Variants in DLGAP2 observed in about 807,000 individuals in gnomAD.
DLGAP2 encodes the protein disks large-associated protein 2.
In DLGAP2, 26 loss-of-function variants were observed where a neutral mutation model predicts 100.3. The ratio of observed to expected loss-of-function variants is 0.26; its 90% confidence interval spans 0.19 to 0.36. The LOEUF (loss-of-function observed/expected upper bound fraction) is 0.36. Among genes scored for constraint, DLGAP2 ranks in the 10% least tolerant of loss-of-function variants. DLGAP2 has a pLI of 1.00. For missense variants in DLGAP2, 1,858 were observed against 1,453.2 expected, an observed-to-expected ratio of 1.28 and a Z score of -4.53; for synonymous variants, 886 against 630.1, an observed-to-expected ratio of 1.41 and a Z score of -6.08.
chr8:1,194,527 A>G (rs1457938784), intron 2 of DLGAP2, among the ~76,000 whole-genome samples: 1 of 152,050 alleles, frequency 6.6e-6, no homozygotes, highest in Non-Finnish European at 1.5e-5. Flanking sequence ...ACTCCTTGTG[A>G]TGTGAAGAAA....
intron 3 of DLGAP2, among the ~76,000 whole-genome samples, chr8:1,335,476 A>T (rs114636896): frequency 6.6e-6 from 1 of 152,130 alleles, no homozygotes; most frequent in Non-Finnish European, 1.5e-5. Context: ...CTTCCTCTGG[A>T]GGAATGGGTA....
At chr8:1,518,345 C>T (rs996305779) in intron 4 of DLGAP2, among the ~76,000 whole-genome samples, 2 of 152,100 alleles carry the variant, frequency 1.3e-5, no homozygotes, top group African/African-American at 4.8e-5. Context: ...TTGTTTTTGT[C>T]TTCAGATTGT....
At chr8:1,450,664 A>T (rs1033055065) in intron 3 of DLGAP2, among the ~76,000 whole-genome samples, 7 of 151,836 alleles carry the variant, frequency 4.6e-5, no homozygotes, top group African/African-American at 1.5e-4. Flanking sequence ...CTCTGCAATT[A>T]TGTGACACTG....
intron 1 of DLGAP2, among the ~76,000 whole-genome samples, chr8:850,649 A>C (rs1416237025): frequency 6.6e-6 from 1 of 152,208 alleles, no homozygotes; most frequent in Non-Finnish European, 1.5e-5. Flanking sequence ...GAAGAAAATT[A>C]GACCCCAGAA....
chr8:1,440,877 C>T (rs115286781), intron 3 of DLGAP2, among the ~76,000 whole-genome samples: 2,015 of 152,278 alleles, frequency 0.013, 54 homozygotes, highest in African/African-American at 0.047. Flanking sequence ...TTAGGACATC[C>T]TAAACTGCTA....
intron 2 of DLGAP2, among the ~76,000 whole-genome samples, chr8:987,525 A>G (rs1253443167): frequency 5.9e-5 from 9 of 151,930 alleles, no homozygotes; most frequent in Admixed American, 3.9e-4. Context: ...TCCCTTGTCC[A>G]TTTTCCAGCC....
chr8:1,108,375 G>C, intron 2 of DLGAP2, among the ~76,000 whole-genome samples: 1 of 152,236 alleles, frequency 6.6e-6, no homozygotes, highest in East Asian at 1.9e-4. Context: ...CAGCCTTCAT[G>C]CTTGTTTGAC....
At position 1,031,518 on chromosome 8, in the gene DLGAP2, C is replaced by T. The variant is rs1009225232; in HGVS notation, c.73+123552C>T. Among the ~76,000 whole-genome samples, 3 of 152,020 alleles carry T rather than the reference C, an allele frequency of 2.0e-5. 1 individual carries two copies. Among genetic ancestry groups the T allele is most frequent in the African/African-American group, 7.2e-5 (3 of 41,380 alleles). On this transcript the variant is annotated intron_variant, in intron 2 of 14. Transcript: ENST00000637795. ...CCTCAACCTCCCGGGCTCAAGTGAT[C>T]CTGCCACCTCAGCCTCTCAAGTAGC...
rs35210879 is a variant in DLGAP2 at position 1,683,834 on chromosome 8, C to CTATATATATA, written c.2704+5219_2704+5228dup. ...CCTGATTTTCCTTGTCTTTGCTCCA[C>CTATATATATA]TATATATATATATATATATATATGT... On this transcript the variant is annotated intron_variant, in intron 12 of 14. Coordinates refer to ENST00000637795, the MANE Select transcript of DLGAP2 (RefSeq NM_001346810.2). 2.7e-3 allele frequency among the ~76,000 whole-genome samples: 153 copies of CTATATATATA among 56,034 alleles called. 2 individuals carry two copies. The highest frequency in any genetic ancestry group is 7.8e-3 in the Middle Eastern group (1 of 128). 36.8% of individuals were successfully genotyped at this position (56,034 alleles called of 152,430 possible). A position where few individuals can be genotyped will look rare whatever the true frequency, so the allele number is the denominator to read the frequency against.
intron 1 of DLGAP2, among the ~76,000 whole-genome samples, chr8:778,496 G>A (rs1405744158): frequency 6.6e-6 from 1 of 152,188 alleles, no homozygotes. Context: ...TTTGGTCTTT[G>A]ATGATGGTGA....
chr8:963,064 G>A (rs1361536520), intron 2 of DLGAP2, among the ~76,000 whole-genome samples: 1 of 152,154 alleles, frequency 6.6e-6, no homozygotes, highest in Non-Finnish European at 1.5e-5. Context: ...TGTGGGCTTC[G>A]GTGCGGGCGC....
chr8:1,186,604 G>A (rs933830753), intron 2 of DLGAP2, among the ~76,000 whole-genome samples: 1 of 152,180 alleles, frequency 6.6e-6, no homozygotes, highest in Non-Finnish European at 1.5e-5. Context: ...GGGGGGTGCG[G>A]TGTCTTCTGA....
chr8:832,448 A>G (rs2132703377), intron 1 of DLGAP2, among the ~76,000 whole-genome samples: 1 of 152,318 alleles, frequency 6.6e-6, no homozygotes, highest in East Asian at 1.9e-4. Context: ...TATTGTTTAC[A>G]GTCATTGCCT....
At chr8:1,068,419 G>T (rs941990230) in intron 2 of DLGAP2, among the ~76,000 whole-genome samples, 1 of 152,196 alleles carries the variant, frequency 6.6e-6, no homozygotes, top group Non-Finnish European at 1.5e-5. Flanking sequence ...CCCCCACAGT[G>T]GATAAGAGTT....
At chr8:970,010 A>G (rs544155877) in intron 2 of DLGAP2, among the ~76,000 whole-genome samples, 3 of 152,332 alleles carry the variant, frequency 2.0e-5, no homozygotes, top group Non-Finnish European at 2.9e-5. Context: ...AAATTCTGAC[A>G]TGGTTCAGCA....
At chr8:1,177,432 C>T (rs1178285288) in intron 2 of DLGAP2, among the ~76,000 whole-genome samples, 1 of 152,046 alleles carries the variant, frequency 6.6e-6, no homozygotes, top group Non-Finnish European at 1.5e-5. Context: ...TCCTGACTTT[C>T]CCACCATCTT....
chr8:1,588,885 G>C (rs1372786688), intron 6 of DLGAP2, among the ~76,000 whole-genome samples: 1 of 152,112 alleles, frequency 6.6e-6, no homozygotes, highest in Admixed American at 6.6e-5. Context: ...TCACGCCACT[G>C]CACTCCAACC....
intron 1 of DLGAP2, among the ~76,000 whole-genome samples, chr8:838,200 C>G (rs1421760153): frequency 6.6e-6 from 1 of 152,042 alleles, no homozygotes; most frequent in African/African-American, 2.4e-5. Flanking sequence ...TCTTGTCTTT[C>G]CCCTCCCTTT....
At position 1,013,606 on chromosome 8, in the gene DLGAP2, CTG is replaced by C. The variant is rs371166968; in HGVS notation, c.73+105649_73+105650del. The stretch of plus-strand genomic sequence containing the variant: ...AGCAAACGGACAGACGGCGCCTCCA[CTG>C]TGTGTGTGACCAGGACAGACGGTGC... On this transcript the variant is annotated intron_variant, in intron 2 of 14. Coordinates refer to ENST00000637795, the MANE Select transcript of DLGAP2 (RefSeq NM_001346810.2). Among the ~76,000 whole-genome samples the C allele has an allele frequency of 1.1e-3, 162 of 142,730 alleles. 1 individual carries two copies. Among genetic ancestry groups the C allele is most frequent in the African/African-American group, 4.2e-3 (140 of 33,656 alleles). 93.6% of individuals were successfully genotyped at this position (142,730 alleles called of 152,430 possible).
Sources: allele counts gnomAD v4.1 joint callset (sites outside exome capture counted in the v4.1 genomes callset), GRCh38; gene constraint gnomAD v4.1.1; transcripts MANE v1.5; gene names NCBI Gene and HGNC (gene_info 2026-07-23, HGNC 2026-07-21).